C1orf94: variants seen among roughly 807,000 people sequenced by gnomAD.
The protein encoded by C1orf94 is uncharacterized protein C1orf94.
Under a neutral mutation model 53.6 loss-of-function variants are expected in C1orf94, and 45 were observed. The observed-to-expected ratio is 0.84, with a 90% confidence interval of 0.66 to 1.08. C1orf94 has a LOEUF of 1.08. C1orf94 is among the 50% of genes least tolerant of loss of function. C1orf94 has a pLI of 0.00. For synonymous variants in C1orf94, 304 were observed against 296.1 expected, an observed-to-expected ratio of 1.03 and a Z score of -0.27; for missense variants, 762 against 738.9, an observed-to-expected ratio of 1.03 and a Z score of -0.36.
At chr1:34,216,657 C>T (rs1381310947) in intron 6 of C1orf94, among the ~76,000 whole-genome samples, 1 of 152,116 alleles carries the variant, frequency 6.6e-6, no homozygotes, top group East Asian at 1.9e-4. Context: ...GCTTCCATGT[C>T]CTCAGGGAAG....
chr1:34,187,676 G>GCAT (rs1234158752), intron 1 of C1orf94, among the ~76,000 whole-genome samples: 1 of 150,138 alleles, frequency 6.7e-6, no homozygotes, highest in Non-Finnish European at 1.5e-5. Flanking sequence ...TGAACAATAA[G>GCAT]CATCACTCTG....
chr1:34,168,559 A>G (rs541333624), intron 1 of C1orf94, among the ~76,000 whole-genome samples: 178 of 152,292 alleles, frequency 1.2e-3, no homozygotes, highest in African/African-American at 4.0e-3. Flanking sequence ...TGCCACAACA[A>G]AGTACCATAG....
rs150838837 is a variant in C1orf94, at chr1:34,204,255, G to A, written c.1446+1996G>A. On this transcript the variant is annotated intron_variant, in intron 4 of 6. Coordinates refer to ENST00000488417, the MANE Select transcript of C1orf94 (RefSeq NM_001134734.2). ...TCTGCATATAAAGACTCTTCAAGCT[G>A]GTCCACCAGGCTTAGTTTCTGAATC... 3.5e-3 allele frequency among the ~76,000 whole-genome samples: 539 copies of A among 152,268 alleles called. 3 individuals are homozygous for A. Among genetic ancestry groups the A allele is most frequent in the South Asian group, 0.027 (132 of 4,824 alleles).
chr1:34,210,215 G>T (rs1368746813), intron 5 of C1orf94, among the ~76,000 whole-genome samples: 1 of 152,188 alleles, frequency 6.6e-6, no homozygotes, highest in East Asian at 1.9e-4. Flanking sequence ...CCCCCATGAG[G>T]ACAGGGGTAC....
chr1:34,210,606 T>C (rs1349514467), intron 5 of C1orf94, among the ~76,000 whole-genome samples: 1 of 151,880 alleles, frequency 6.6e-6, no homozygotes, highest in Non-Finnish European at 1.5e-5. Flanking sequence ...ACAGCATCCA[T>C]GTGAAGGGCC....
At chr1:34,201,156 T>C in intron 3 of C1orf94, 124 bp downstream of exon 3, 3 of 1,353,328 alleles carry the variant, frequency 2.2e-6, no homozygotes, top group Non-Finnish European at 3.0e-6. Flanking sequence ...TGTCAGTTTT[T>C]AAACCCATAA....
intron 1 of C1orf94, among the ~76,000 whole-genome samples, chr1:34,181,370 A>T (rs1359295106): frequency 6.6e-6 from 1 of 152,204 alleles, no homozygotes; most frequent in Non-Finnish European, 1.5e-5. Flanking sequence ...CAATCCATGC[A>T]GATTTGATCC....
chr1:34,168,398 C>A (rs2148607000), intron 1 of C1orf94, among the ~76,000 whole-genome samples: 1 of 151,802 alleles, frequency 6.6e-6, no homozygotes, highest in African/African-American at 2.4e-5. Flanking sequence ...GGAAAGGGGG[C>A]CAGGAGGAGG....
Position 34,197,496 on chromosome 1 carries a change from C to G in C1orf94, c.592C>G (p.Gln198Glu). 6 of 1,614,100 alleles carry G rather than the reference C, an allele frequency of 3.7e-6. No individual in the cohort carries two copies. The highest frequency in any genetic ancestry group is 5.1e-6 in the Non-Finnish European group (6 of 1,180,016). Residue 198 changes from glutamine (Q) to glutamate (E), a missense_variant, in exon 2 of 7, where the codon CAG (glutamine) becomes GAG (glutamate). By Grantham distance (29) the Gln-to-Glu change is conservative (BLOSUM62 2). Coordinates refer to ENST00000488417, the MANE Select transcript of C1orf94 (RefSeq NM_001134734.2). The surrounding 1 kb of genome is among the most constrained non-coding windows in gnomAD (Gnocchi z 4.1). Reference sequence around the variant, plus strand: ...GGCCATGCCCGTTATCAGCAGCAGGCAGGACTGTGATTCTGCCACTTCTAC... The same window carrying G: ...GGCCATGCCCGTTATCAGCAGCAGGGAGGACTGTGATTCTGCCACTTCTAC... ...KVAMPVISSR[Q>E]DCDSATSTVT...
upstream of C1orf94, among the ~76,000 whole-genome samples, chr1:34,176,572 G>A (rs141230181): frequency 6.7e-4 from 102 of 152,214 alleles, no homozygotes; most frequent in African/African-American, 2.4e-3. Flanking sequence ...CTTTTCTCAG[G>A]GGGCCTTGGA....
Position 34,197,671 on chromosome 1 carries a change from A to G in C1orf94, c.767A>G (p.Asn256Ser). ...KSTETSKVPDNKNVLDKTRVT... is the reference protein window; with the variant it reads ...KSTETSKVPDSKNVLDKTRVT... ...ACTGAGACATCCAAGGTCCCTGACA[A>G]CAAGAATGTGCTGGACAAGACAAGG... The change falls in exon 2 of 7, where the codon AAC becomes AGC. Residue 256 changes from asparagine (N) to serine (S), a missense_variant. Physicochemically the swap from Asn to Ser is conservative, Grantham distance 46. Transcript: ENST00000488417. The surrounding 1 kb of genome is among the most constrained non-coding windows in gnomAD (Gnocchi z 4.1). 6.2e-7 allele frequency: 1 copy of G among 1,614,164 alleles called. No homozygotes were observed. The highest frequency in any genetic ancestry group is 8.5e-7 in the Non-Finnish European group (1 of 1,180,024).
At chr1:34,216,291 A>C (rs1043338807) in intron 6 of C1orf94, among the ~76,000 whole-genome samples, 1 of 152,206 alleles carries the variant, frequency 6.6e-6, no homozygotes, top group African/African-American at 2.4e-5. Flanking sequence ...ACACAAGTAT[A>C]GAGAAGAGAA....
chr1:34,176,599 T>G (rs536738069), upstream of C1orf94, among the ~76,000 whole-genome samples: 3 of 152,272 alleles, frequency 2.0e-5, no homozygotes, highest in Non-Finnish European at 4.4e-5. Flanking sequence ...CCCTTATGAC[T>G]TTGAGATTCG....
intron 4 of C1orf94, among the ~76,000 whole-genome samples, chr1:34,206,637 G>A (rs571963568): frequency 6.6e-5 from 10 of 152,340 alleles, no homozygotes; most frequent in African/African-American, 1.7e-4. Context: ...AGGAGGCGGC[G>A]AAACAGAGGA....
At chr1:34,173,110 T>A (rs1183957409), upstream of C1orf94, among the ~76,000 whole-genome samples, 1 of 152,174 alleles carries the variant, frequency 6.6e-6, no homozygotes, top group Non-Finnish European at 1.5e-5. Flanking sequence ...ACTGTTGGAT[T>A]TAGTAGTCAT....
intron 1 of C1orf94, among the ~76,000 whole-genome samples, chr1:34,182,791 G>T (rs1642330010): frequency 6.6e-6 from 1 of 152,152 alleles, no homozygotes; most frequent in African/African-American, 2.4e-5. Context: ...GGAGTGTAGG[G>T]CCTCAGAGCA....
intron 6 of C1orf94, 95 bp downstream of exon 6, chr1:34,212,501 G>A (rs1268526787): frequency 7.9e-7 from 1 of 1,260,270 alleles, no homozygotes; most frequent in Non-Finnish European, 1.1e-6. Flanking sequence ...CTTAGTATGT[G>A]TGTTCCATGG....
intron 1 of C1orf94, among the ~76,000 whole-genome samples, chr1:34,169,601 G>A (rs1571330602): frequency 1.3e-5 from 1 of 77,334 alleles, no homozygotes; most frequent in East Asian, 3.7e-4. Context: ...GAAGCTGAGA[G>A]AGAGAGAGAG....
Position 34,212,407 on chromosome 1 carries a change from G to T in C1orf94, c.1721+1G>T. The T allele has an allele frequency of 6.2e-7, 1 of 1,609,498 alleles. No homozygotes were observed. The highest frequency in any genetic ancestry group is 8.5e-7 in the Non-Finnish European group (1 of 1,177,702). On this transcript the variant is annotated splice_donor_variant, in intron 6 of 6. Transcript: ENST00000488417. LOFTEE classifies it high-confidence loss of function. The stretch of plus-strand genomic sequence containing the variant: ...AGTACCTCTTTCCCCAAGGATATGG[G>T]TGAGTCAGCCCACACTGGGAGCCTA...
Sources: gnomAD v4.1 joint callset for allele counts (sites outside exome capture counted in the v4.1 genomes callset) on GRCh38, gnomAD v4.1.1 for gene constraint, Gnocchi (gnomAD v3.1) non-coding constraint, MANE v1.5 for transcripts, NCBI Gene and HGNC (gene_info 2026-07-23, HGNC 2026-07-21) for gene names.